The following ST18 variants were observed in gnomAD, a reference collection of about 807,000 sequenced individuals.
ST18 encodes suppression of tumorigenicity 18 protein.
A neutral mutation model predicts 110.0 loss-of-function variants in ST18; 50 were observed. The observed-to-expected ratio is 0.45, with a 90% CI of 0.36 to 0.58. The LOEUF (loss-of-function observed/expected upper bound fraction) is 0.58. Among genes scored for constraint, ST18 ranks in the 20% least tolerant of loss-of-function variants. The probability of loss-of-function intolerance (pLI) is 0.00; values close to 1 mark genes in which losing one functional copy is unlikely to be tolerated. For missense variants in ST18, 1,306 were observed against 1,280.1 expected, an observed-to-expected ratio of 1.02 and a Z score of -0.31; for synonymous variants, 461 against 452.4, an observed-to-expected ratio of 1.02 and a Z score of -0.24.
At chr8:52,216,052 C>T (rs922956711) in intron 6 of ST18, among the ~76,000 whole-genome samples, 1 of 152,218 alleles carries the variant, frequency 6.6e-6, no homozygotes, top group African/African-American at 2.4e-5. Context: ...TATTAATTCA[C>T]CCTAACCACT....
At position 52,172,217 on chromosome 8, in the gene ST18, G is replaced by C. The variant is rs1471056710; in HGVS notation, c.644C>G (p.Pro215Arg). 2 of 1,613,966 alleles carry C rather than the reference G, an allele frequency of 1.2e-6. No individual in the cohort carries two copies. The highest frequency in any genetic ancestry group is 1.7e-6 in the Non-Finnish European group (2 of 1,180,028). Residue 215 changes from proline (P) to arginine (R), a missense_variant, in exon 10 of 26, where the codon CCA becomes CGA. By Grantham distance (103) the Pro-to-Arg change is moderately radical. Transcript: ENST00000689386. The stretch of plus-strand genomic sequence containing the variant: ...TAAAACATACTTTGGGACTCTAGGT[G>C]GTTTGGTTTCTTCTGAGAAGTTGGA... ...SGSNFSEETK[P>R]PRVPKYVLTD...
At chr8:52,402,754 G>A (rs1843182225) in intron 2 of ST18, among the ~76,000 whole-genome samples, 2 of 152,194 alleles carry the variant, frequency 1.3e-5, no homozygotes, top group Admixed American at 1.3e-4. Context: ...CTGGGAAGCA[G>A]GTGCCACTTC....
At chr8:52,309,472 G>T (rs537245229) in intron 2 of ST18, among the ~76,000 whole-genome samples, 10 of 125,312 alleles carry the variant, frequency 8.0e-5, no homozygotes, top group African/African-American at 2.4e-4. Flanking sequence ...AGTGAGCCGA[G>T]ATTGCACCAT....
chr8:52,241,759 A>G (rs1330222201), intron 2 of ST18, among the ~76,000 whole-genome samples: 1 of 152,248 alleles, frequency 6.6e-6, no homozygotes, highest in Non-Finnish European at 1.5e-5. Context: ...TTAGTACATG[A>G]AAAATACAAA....
intron 2 of ST18, among the ~76,000 whole-genome samples, chr8:52,264,996 C>T (rs1259317200): frequency 6.6e-6 from 1 of 152,104 alleles, no homozygotes; most frequent in Non-Finnish European, 1.5e-5. Context: ...AGCTTAAATT[C>T]CAGAATAAAC....
intron 8 of ST18, among the ~76,000 whole-genome samples, chr8:52,198,387 T>C (rs1336079766): frequency 1.3e-5 from 2 of 152,224 alleles, no homozygotes; most frequent in Non-Finnish European, 2.9e-5. Flanking sequence ...CTCATAAATA[T>C]AGGCTCCTTT....
chr8:52,221,350 C>T (rs2086667664), intron 4 of ST18, among the ~76,000 whole-genome samples: 1 of 152,132 alleles, frequency 6.6e-6, no homozygotes, highest in African/African-American at 2.4e-5. Context: ...TAACATGATA[C>T]CAATCCTTTT....
chr8:52,322,306 G>GTCAA (rs1804296969), intron 2 of ST18, among the ~76,000 whole-genome samples: 1 of 152,142 alleles, frequency 6.6e-6, no homozygotes, highest in South Asian at 2.1e-4. Flanking sequence ...TTTCCTAGTA[G>GTCAA]ATCTCTCCTT....
chr8:52,129,002 T>C (rs1895884), intron 22 of ST18, among the ~76,000 whole-genome samples: 44,924 of 152,002 alleles, frequency 0.3, 9,538 homozygotes, highest in African/African-American at 0.61. Context: ...ATTCAAAATA[T>C]GTAACATATA....
intron 5 of ST18, among the ~76,000 whole-genome samples, chr8:52,219,989 T>C (rs2136311678): frequency 6.6e-6 from 1 of 152,340 alleles, no homozygotes; most frequent in Middle Eastern, 3.4e-3. Flanking sequence ...TATTATTCCC[T>C]TAGGTAACCA....
At chr8:52,211,777 A>G (rs1348538019) in intron 8 of ST18, among the ~76,000 whole-genome samples, 2 of 152,170 alleles carry the variant, frequency 1.3e-5, no homozygotes, top group East Asian at 1.9e-4. Context: ...GTGAAATCCA[A>G]CCGCATGCAA....
chr8:52,332,668 T>C (rs1422949584), intron 2 of ST18, among the ~76,000 whole-genome samples: 1 of 149,420 alleles, frequency 6.7e-6, no homozygotes, highest in Non-Finnish European at 1.5e-5. Flanking sequence ...CTGACCAACA[T>C]GGTGAAATCC....
intron 15 of ST18, 73 bp downstream of exon 15, chr8:52,158,825 T>C: frequency 5.2e-6 from 8 of 1,538,894 alleles, no homozygotes; most frequent in South Asian, 3.4e-5. Context: ...TGAATGTAGT[T>C]AGGAACATGA....
At chr8:52,275,161 G>C (rs1253020571) in intron 2 of ST18, among the ~76,000 whole-genome samples, 1 of 152,028 alleles carries the variant, frequency 6.6e-6, no homozygotes, top group African/African-American at 2.4e-5. Flanking sequence ...ATAATTTAAT[G>C]AAAGAGCTTC....
At chr8:52,217,940 T>C (rs1266338892) in intron 5 of ST18, 39 bp from the exon 6 acceptor site, 1 of 152,220 alleles carries the variant, frequency 6.6e-6, no homozygotes, top group Admixed American at 6.5e-5. Flanking sequence ...GAGCAGGACA[T>C]AGAATTCATA....
chr8:52,335,631 AT>A (rs2140128500), intron 2 of ST18, among the ~76,000 whole-genome samples: 1 of 152,296 alleles, frequency 6.6e-6, no homozygotes, highest in African/African-American at 2.4e-5. Context: ...TTAAGTACTT[AT>A]GTTTGAAGTT....
intron 2 of ST18, among the ~76,000 whole-genome samples, chr8:52,302,454 A>G (rs901233197): frequency 1.3e-5 from 2 of 152,218 alleles, no homozygotes; most frequent in Admixed American, 1.3e-4. Context: ...ATAGAAATCT[A>G]TTCCCTAACT....
intron 2 of ST18, among the ~76,000 whole-genome samples, chr8:52,281,225 G>T (rs917768459): frequency 6.6e-6 from 1 of 152,016 alleles, no homozygotes; most frequent in African/African-American, 2.4e-5. Flanking sequence ...ACATTAAAAA[G>T]AAGAAAATTT....
chr8:52,266,610 C>T (rs751300009), intron 2 of ST18, among the ~76,000 whole-genome samples: 33 of 148,420 alleles, frequency 2.2e-4, no homozygotes, highest in Admixed American at 4.0e-4. Context: ...GGCGTGATCT[C>T]GGCTCACTGC....
Sources: gnomAD v4.1 joint callset for allele counts (sites outside exome capture counted in the v4.1 genomes callset) on GRCh38, gnomAD v4.1.1 for gene constraint, MANE v1.5 for transcripts, NCBI Gene and HGNC (gene_info 2026-07-23, HGNC 2026-07-21) for gene names.